SESTD1: variants seen among roughly 807,000 people sequenced by gnomAD.
SESTD1 encodes SEC14 domain and spectrin repeat-containing protein 1.
SESTD1 carries 43 observed loss-of-function variants against 101.7 expected under a neutral mutation model. The ratio of observed to expected loss-of-function variants is 0.42; its 90% CI spans 0.33 to 0.55. The LOEUF (loss-of-function observed/expected upper bound fraction) is 0.55, where lower values mean the gene tolerates loss of function less well. Ranked by LOEUF, SESTD1 falls within the 20% of genes least tolerant of loss-of-function variation. The pLI is 0.07. For synonymous variants in SESTD1, 283 were observed against 286.8 expected (o/e 0.99, Z 0.13); for missense variants, 647 against 815.1 (o/e 0.79, Z 2.51).
rs1433281316 is a variant in SESTD1, at chr2:179,166,933, C to T, written c.369+5187G>A. Among the ~76,000 whole-genome samples the T allele has an allele frequency of 2.0e-5, 3 of 152,136 alleles. No homozygotes were observed. The East Asian group carries it at 5.8e-4, about 29-fold the overall frequency. ...AGCCTAGGAAAAGGGCAAGATGAGCCCATGTGCAGGCACAAATACTACCTA... is the reference window on the plus strand; with the variant it reads ...AGCCTAGGAAAAGGGCAAGATGAGCTCATGTGCAGGCACAAATACTACCTA... On this transcript the variant is annotated intron_variant, in intron 5 of 17. Transcript: ENST00000428443.
intron 1 of SESTD1, among the ~76,000 whole-genome samples, chr2:179,246,081 C>T (rs1006687749): frequency 4.6e-5 from 7 of 151,938 alleles, no homozygotes; most frequent in African/African-American, 1.7e-4. Flanking sequence ...GTGTCGAAAC[C>T]CCGTCTCTAC....
intron 1 of SESTD1, among the ~76,000 whole-genome samples, chr2:179,240,437 A>G (rs1454219330): frequency 6.6e-6 from 1 of 152,202 alleles, no homozygotes; most frequent in African/African-American, 2.4e-5. Context: ...CGGTAGAGAA[A>G]GGAACACAGA....
At chr2:179,187,925 G>A (rs1261940243) in intron 2 of SESTD1, among the ~76,000 whole-genome samples, 1 of 152,092 alleles carries the variant, frequency 6.6e-6, no homozygotes, top group Non-Finnish European at 1.5e-5. Context: ...GAAGTACCCA[G>A]ATTCATAAAA....
At chr2:179,196,268 C>A (rs1042875281) in intron 1 of SESTD1, among the ~76,000 whole-genome samples, 1 of 152,208 alleles carries the variant, frequency 6.6e-6, no homozygotes, top group African/African-American at 2.4e-5. Context: ...AAACGGCGCA[C>A]CAGGAGATTA....
At chr2:179,195,054 C>T (rs1164028761) in intron 1 of SESTD1, among the ~76,000 whole-genome samples, 1 of 152,236 alleles carries the variant, frequency 6.6e-6, no homozygotes, top group African/African-American at 2.4e-5. Context: ...GGCTTAACTG[C>T]TGGCTGCTTT....
chr2:179,154,667 C>T (rs2045592572), intron 5 of SESTD1, among the ~76,000 whole-genome samples: 1 of 151,872 alleles, frequency 6.6e-6, no homozygotes, highest in Admixed American at 6.6e-5. Context: ...TAAATTATAC[C>T]ACAGGGATAC....
At chr2:179,145,473 G>A (rs1575440926) in intron 8 of SESTD1, among the ~76,000 whole-genome samples, 3 of 152,036 alleles carry the variant, frequency 2.0e-5, no homozygotes, top group South Asian at 4.1e-4. Flanking sequence ...GACAGTATGT[G>A]GCACACAGTA....
At chr2:179,137,337 C>T (rs1345181214) in intron 9 of SESTD1, among the ~76,000 whole-genome samples, 1 of 152,118 alleles carries the variant, frequency 6.6e-6, no homozygotes, top group Non-Finnish European at 1.5e-5. Context: ...TATGCAAAGT[C>T]AAACCAGGCA....
intron 4 of SESTD1, chr2:179,174,533 T>C (rs1475581434): frequency 4.7e-6 from 2 of 428,112 alleles, no homozygotes; most frequent in Non-Finnish European, 9.4e-6. Context: ...ACCTAATAGT[T>C]ATTTTAACAA....
At chr2:179,234,312 T>TTAAA (rs546414645) in intron 1 of SESTD1, among the ~76,000 whole-genome samples, 43 of 152,214 alleles carry the variant, frequency 2.8e-4, no homozygotes, top group Admixed American at 7.2e-4. Flanking sequence ...GCAAATCCCT[T>TTAAA]TAAATAAATA....
chr2:179,178,963 ATACTC>A (rs2046060323), intron 3 of SESTD1, among the ~76,000 whole-genome samples: 2 of 152,238 alleles, frequency 1.3e-5, no homozygotes, highest in Admixed American at 6.5e-5. Context: ...AAGGAATAAA[ATACTC>A]TAAATTTATC....
intron 1 of SESTD1, among the ~76,000 whole-genome samples, chr2:179,197,330 T>C (rs2105503902): frequency 6.6e-6 from 1 of 151,502 alleles, no homozygotes; most frequent in Non-Finnish European, 1.5e-5. Flanking sequence ...AATCTACATC[T>C]CACTGGAGTA....
chr2:179,191,127 T>C (rs1002902352), intron 2 of SESTD1, among the ~76,000 whole-genome samples: 1 of 152,190 alleles, frequency 6.6e-6, no homozygotes, highest in African/African-American at 2.4e-5. Context: ...CATGCATTCA[T>C]ACGTTCCTTG....
chr2:179,212,780 G>A lies in SESTD1; in HGVS notation c.-25-20914C>T, dbSNP rs145844740. On this transcript the variant is annotated intron_variant, in intron 1 of 17. Transcript: ENST00000428443. The stretch of plus-strand genomic sequence containing the variant: ...GTACAGGTGGGTGCTCCTCTGGGAC[G>A]AAGCTTCCGGAGGAAGGATCAGGCA... Among the ~76,000 whole-genome samples, 45 of 135,056 alleles carry A rather than the reference G, an allele frequency of 3.3e-4. 5 individuals carry two copies. In the East Asian group the frequency reaches 9.0e-3, roughly 27 times the overall value. The allele number at this position is 135,056 out of a possible 152,430, so 88.6% of individuals were successfully genotyped here.
At chr2:179,167,051 C>T (rs1161407543) in intron 5 of SESTD1, among the ~76,000 whole-genome samples, 1 of 152,070 alleles carries the variant, frequency 6.6e-6, no homozygotes, top group Non-Finnish European at 1.5e-5. Context: ...GACCCACTGT[C>T]AAGAAACAAA....
intron 1 of SESTD1, among the ~76,000 whole-genome samples, chr2:179,219,902 A>G (rs62177291): frequency 0.056 from 8,590 of 152,276 alleles, 332 homozygotes; most frequent in South Asian, 0.14. Flanking sequence ...TTTGAAAGTT[A>G]AAGTTTCACC....
At chr2:179,237,445 G>A (rs1574058211) in intron 1 of SESTD1, among the ~76,000 whole-genome samples, 1 of 152,124 alleles carries the variant, frequency 6.6e-6, no homozygotes, top group East Asian at 1.9e-4. Context: ...TACATTTCCA[G>A]GCATAAAATT....
At chr2:179,184,702 T>C (rs563553747) in intron 2 of SESTD1, among the ~76,000 whole-genome samples, 102 of 152,272 alleles carry the variant, frequency 6.7e-4, no homozygotes, top group African/African-American at 2.4e-3. Context: ...AGGGCGTTAA[T>C]AGGAACAGGC....
At chr2:179,148,449 C>A (rs1023970880) in intron 7 of SESTD1, among the ~76,000 whole-genome samples, 1 of 152,192 alleles carries the variant, frequency 6.6e-6, no homozygotes, top group Non-Finnish European at 1.5e-5. Context: ...AATCTGTTAA[C>A]ATGATAAATC....
Sources: gnomAD v4.1 joint callset for allele counts (sites outside exome capture counted in the v4.1 genomes callset) on GRCh38, gnomAD v4.1.1 for gene constraint, MANE v1.5 for transcripts, NCBI Gene and HGNC (gene_info 2026-07-23, HGNC 2026-07-21) for gene names.